The following SLMAP variants were observed in gnomAD, a reference collection of about 807,000 sequenced individuals.
SLMAP encodes sarcolemma associated protein.
In SLMAP, 44 loss-of-function variants were observed where a neutral mutation model predicts 128.8. That is an observed-to-expected ratio of 0.34 (90% CI 0.27 to 0.44). The LOEUF (loss-of-function observed/expected upper bound fraction) is 0.44, where lower values mean the gene tolerates loss of function less well. SLMAP is among the 20% of genes least tolerant of loss of function. The pLI is 1.00. For synonymous variants in SLMAP, 327 were observed against 348.8 expected (o/e 0.94, Z 0.70); for missense variants, 787 against 985.3 (o/e 0.80, Z 2.69).
At position 57,813,493 on chromosome 3, in the gene SLMAP, A is replaced by G. The variant is rs945069434; in HGVS notation, c.199-17890A>G. Among the ~76,000 whole-genome samples, 4 of 152,186 alleles carry G rather than the reference A, an allele frequency of 2.6e-5. No homozygotes were observed. The East Asian group carries it at 5.8e-4, about 22-fold the overall frequency. On this transcript the variant is annotated intron_variant, in intron 2 of 24. Transcript: ENST00000671191. Reference sequence around the variant, plus strand: ...CCAGGACAGTGAGCCTTCTGTATCCATGGGTTACACATCCATGGATTCAAC... The same window carrying G: ...CCAGGACAGTGAGCCTTCTGTATCCGTGGGTTACACATCCATGGATTCAAC...
chr3:57,766,126 G>A (rs1576121710), intron 2 of SLMAP, among the ~76,000 whole-genome samples: 1 of 145,194 alleles, frequency 6.9e-6, no homozygotes, highest in African/African-American at 2.6e-5. Flanking sequence ...AGCCTCCTGA[G>A]TAGCTGGGAC....
At chr3:57,860,599 A>AG in intron 8 of SLMAP, 100 bp from the exon 9 acceptor site, 1 of 864,874 alleles carries the variant, frequency 1.2e-6, no homozygotes, top group Non-Finnish European at 1.7e-6. Flanking sequence ...AGGTACCTTA[A>AG]TATATAATTT....
intron 2 of SLMAP, among the ~76,000 whole-genome samples, chr3:57,793,727 A>G (rs954896287): frequency 6.6e-6 from 1 of 152,022 alleles, no homozygotes; most frequent in Non-Finnish European, 1.5e-5. Context: ...TAATATATGT[A>G]CCTTCTTAAC....
chr3:57,764,594 A>G (rs868858755), intron 2 of SLMAP, among the ~76,000 whole-genome samples: 1 of 152,194 alleles, frequency 6.6e-6, no homozygotes, highest in Non-Finnish European at 1.5e-5. Flanking sequence ...AAAATGGGTA[A>G]CAGCTTAAAT....
intron 13 of SLMAP, among the ~76,000 whole-genome samples, chr3:57,865,546 T>C (rs1192415724): frequency 6.6e-6 from 1 of 152,164 alleles, no homozygotes; most frequent in Non-Finnish European, 1.5e-5. Context: ...CCTTTAGCAA[T>C]ATATAATATA....
intron 15 of SLMAP, among the ~76,000 whole-genome samples, chr3:57,893,000 A>G (rs936644499): frequency 6.6e-6 from 1 of 151,596 alleles, no homozygotes; most frequent in Non-Finnish European, 1.5e-5. Context: ...CGCCTGGCTA[A>G]TTTTTTGTAG....
Position 57,807,657 on chromosome 3 carries a change from A to G in SLMAP, c.199-23726A>G, listed in dbSNP as rs556262570. Among the ~76,000 whole-genome samples the G allele has an allele frequency of 9.8e-5, 15 of 152,366 alleles. No individual in the cohort carries two copies. The South Asian group carries it at 1.0e-3, about 11-fold the overall frequency. ...GATGAAGCCAACTTGATCGTGGTGC[A>G]TAAGCTTTTTGATGTGCTGCTGGAT... On this transcript the variant is annotated intron_variant, in intron 2 of 24. Coordinates refer to ENST00000671191, the MANE Select transcript of SLMAP (RefSeq NM_001377540.1).
Position 57,864,707 on chromosome 3 carries a change from G to T in SLMAP, c.1126G>T (p.Ala376Ser), listed in dbSNP as rs765789251. 1 of 1,591,506 alleles carries T rather than the reference G, an allele frequency of 6.3e-7. No individual in the cohort carries two copies. The highest frequency in any genetic ancestry group is 1.2e-5 in the South Asian group (1 of 84,872). The change falls in exon 11 of 25, where the codon GCT (alanine) becomes TCT (serine). Residue 376 changes from alanine to serine, a missense_variant. Physicochemically the swap from Ala to Ser is moderately conservative, Grantham distance 99. Transcript: ENST00000671191. ...TGATTTCACCAATGAAAGGCTAACAGCTTTACAAGGTAAGTAGCTAATCCA... is the reference window on the plus strand; with the variant it reads ...TGATTTCACCAATGAAAGGCTAACATCTTTACAAGGTAAGTAGCTAATCCA... The part of the protein sequence containing the change: ...DNDFTNERLT[A>S]LQVRLEHLQE...
At position 57,927,514 on chromosome 3, in the gene SLMAP, G is replaced by A; in HGVS notation, c.*225G>A. 1 of 450,088 alleles carries A rather than the reference G, an allele frequency of 2.2e-6. No individual in the cohort carries two copies. The highest frequency in any genetic ancestry group is 3.7e-5 in the Admixed American group (1 of 26,976). The allele number at this position is 450,088 out of a possible 1,614,324, so 27.9% of individuals were successfully genotyped here. A position where few individuals can be genotyped will look rare whatever the true frequency, so the allele number is the denominator to read the frequency against. The stretch of plus-strand genomic sequence containing the variant: ...ACAGCAGAAGTACAAGAATACAGCT[G>A]TAGGGTCATTGCTTTAAATTATATA... On this transcript the variant is annotated 3_prime_UTR_variant, in exon 25 of 25. Coordinates refer to ENST00000671191, the MANE Select transcript of SLMAP (RefSeq NM_001377540.1).
At chr3:57,899,589 G>A (rs1014808735) in intron 17 of SLMAP, 7 of 152,054 alleles carry the variant, frequency 4.6e-5, no homozygotes, top group African/African-American at 1.4e-4. Flanking sequence ...TTTAGAGACA[G>A]GGGTCTTGCT....
intron 14 of SLMAP, among the ~76,000 whole-genome samples, chr3:57,889,175 C>T (rs937258580): frequency 2.6e-5 from 4 of 152,196 alleles, no homozygotes; most frequent in African/African-American, 9.6e-5. Context: ...TGAGCCACTG[C>T]GCACGGCCCC....
Position 57,908,010 on chromosome 3 carries a change from A to T in SLMAP, c.1624+4A>T. 6.2e-7 allele frequency: 1 copy of T among 1,613,310 alleles called. No homozygotes were observed. ...CAAAAATGCTTTGAACTTCAAGGTG[A>T]GATCAAGATTACTTTGGTTCTTTAG... On this transcript the variant is annotated splice_donor_region_variant and intron_variant, in intron 18 of 24. Transcript: ENST00000671191.
chr3:57,812,815 T>A (rs73088358), intron 2 of SLMAP, among the ~76,000 whole-genome samples: 21,287 of 152,032 alleles, frequency 0.14, 1,566 homozygotes, highest in South Asian at 0.22. Flanking sequence ...AAAATTTTTT[T>A]AAATTTTTCC....
chr3:57,836,725 A>G (rs1404259666), intron 3 of SLMAP, among the ~76,000 whole-genome samples: 2 of 152,232 alleles, frequency 1.3e-5, no homozygotes, highest in African/African-American at 2.4e-5. Flanking sequence ...AAGCTGCTCT[A>G]TACTGATAAA....
At chr3:57,812,336 C>G (rs898729435) in intron 2 of SLMAP, among the ~76,000 whole-genome samples, 3 of 152,096 alleles carry the variant, frequency 2.0e-5, no homozygotes, top group African/African-American at 7.2e-5. Flanking sequence ...ACTATTCTTT[C>G]CCATTAAATG....
chr3:57,808,894 C>T (rs1300195588), intron 2 of SLMAP, among the ~76,000 whole-genome samples: 1 of 152,218 alleles, frequency 6.6e-6, no homozygotes, highest in African/African-American at 2.4e-5. Context: ...GTCTAAGTCT[C>T]TTTGTAGGTC....
chr3:57,863,796 C>T (rs1473286615), intron 10 of SLMAP, among the ~76,000 whole-genome samples: 7 of 152,174 alleles, frequency 4.6e-5, no homozygotes, highest in South Asian at 2.1e-4. Context: ...GCTTGGGGGA[C>T]GAACATCCAA....
intron 14 of SLMAP, among the ~76,000 whole-genome samples, chr3:57,882,360 T>G (rs560459643): frequency 6.6e-6 from 1 of 152,070 alleles, no homozygotes; most frequent in Non-Finnish European, 1.5e-5. Context: ...AAACAAAGAC[T>G]GTAAGGGGAT....
chr3:57,843,447 A>G (rs1418778010), intron 4 of SLMAP, among the ~76,000 whole-genome samples: 1 of 151,424 alleles, frequency 6.6e-6, no homozygotes, highest in Non-Finnish European at 1.5e-5. Flanking sequence ...CTGGGACTAC[A>G]GGTGCACACC....
Sources: gnomAD v4.1 joint callset for allele counts (sites outside exome capture counted in the v4.1 genomes callset) on GRCh38, gnomAD v4.1.1 for gene constraint, MANE v1.5 for transcripts, NCBI Gene and HGNC (gene_info 2026-07-23, HGNC 2026-07-21) for gene names.